The following ZDBF2 variants were observed in gnomAD, a reference collection of about 807,000 sequenced individuals.
ZDBF2 encodes the protein zinc finger DBF-type containing 2.
Under a neutral mutation model 9.4 loss-of-function variants are expected in ZDBF2, and 6 were observed. The ratio of observed to expected loss-of-function variants is 0.64; its 90% CI spans 0.35 to 1.27. The LOEUF is 1.27. Among genes scored for constraint, ZDBF2 ranks in the 50% most tolerant of loss-of-function variants. The pLI, the probability that ZDBF2 is intolerant of heterozygous loss-of-function variation, is 0.03. For synonymous variants in ZDBF2, 905 were observed against 946.3 expected (o/e 0.96, Z 0.80); for missense variants, 2,697 against 2,766.8 (o/e 0.97, Z 0.57).
intron 3 of ZDBF2, among the ~76,000 whole-genome samples, chr2:206,285,013 G>A (rs1294137031): frequency 6.6e-6 from 1 of 152,232 alleles, no homozygotes; most frequent in Non-Finnish European, 1.5e-5. Flanking sequence ...ACAGGCGTGA[G>A]CCACTGCGCC....
rs559177241 is a variant in ZDBF2 at position 206,309,563 on chromosome 2, C to A, written c.5035C>A (p.Arg1679=). 3.1e-6 allele frequency: 5 copies of A among 1,613,810 alleles called. No individual in the cohort carries two copies. Among genetic ancestry groups the A allele is most frequent in the Admixed American group, 1.7e-5 (1 of 59,992 alleles). Residue 1679 remains arginine, a synonymous_variant, in exon 5 of 5, where the codon CGA becomes AGA. Coordinates refer to ENST00000374423, the MANE Select transcript of ZDBF2 (RefSeq NM_020923.3). ...AGACACTTCTCATCGAACGACTCAC[C>A]GACTGCAGAAAGCTCACAAAGAAGC... is the stretch of plus-strand genomic sequence containing the variant. ...LEDTSHRTTH[R]LQKAHKEASL...
chr2:206,281,817 CAG>C lies in ZDBF2; in HGVS notation c.-32_-31del. The stretch of plus-strand genomic sequence containing the variant: ...GTTTTTCAGCTTGAGTATTCAAAGA[CAG>C]TAGCCATCTGACTTCAGTTATTTAT... On this transcript the variant is annotated 5_prime_UTR_variant, in exon 3 of 5. Coordinates refer to ENST00000374423, the MANE Select transcript of ZDBF2 (RefSeq NM_020923.3). 1 of 1,603,972 alleles carries C rather than the reference CAG, an allele frequency of 6.2e-7. No individual in the cohort carries two copies. Among genetic ancestry groups the C allele is most frequent in the Non-Finnish European group, 8.5e-7 (1 of 1,173,290 alleles).
chr2:206,275,923 C>A (rs1243429909), intron 1 of ZDBF2, among the ~76,000 whole-genome samples: 2 of 152,180 alleles, frequency 1.3e-5, no homozygotes, highest in African/African-American at 2.4e-5. Context: ...AAGAAAGCAA[C>A]TCGTTAGAGA....
intron 1 of ZDBF2, among the ~76,000 whole-genome samples, chr2:206,277,327 A>G (rs1269117043): frequency 1.3e-5 from 2 of 151,682 alleles, no homozygotes; most frequent in African/African-American, 4.8e-5. Flanking sequence ...AAAAAAAACC[A>G]AAAACAAAAT....
At chr2:206,280,580 A>G (rs1691261257) in intron 2 of ZDBF2, among the ~76,000 whole-genome samples, 1 of 152,222 alleles carries the variant, frequency 6.6e-6, no homozygotes, top group African/African-American at 2.4e-5. Context: ...AGTGGAAAAG[A>G]GACCAAATTT....
chr2:206,308,581 T>C lies in ZDBF2; in HGVS notation c.4053T>C (p.His1351=), dbSNP rs1344554477. 1.2e-6 allele frequency: 2 copies of C among 1,613,540 alleles called. No homozygotes were observed. The change falls in exon 5 of 5, where the codon CAT becomes CAC. Residue 1351 remains histidine, a synonymous_variant. Transcript: ENST00000374423. ...AACCACACATTTTGGAAGAGGAGCA[T>C]GCCAGTCTGGAAGATAAGAGCAGTA... The part of the protein sequence containing the change: ...IKQPHILEEE[H]ASLEDKSSNS...
chr2:206,305,534 A>G lies in ZDBF2; in HGVS notation c.1006A>G (p.Asn336Asp). 4.3e-6 allele frequency: 7 copies of G among 1,613,700 alleles called. No individual in the cohort carries two copies. The South Asian group carries it at 5.5e-5, about 13-fold the overall frequency. ...IAKNHEEFFS[N>D]MDCTQEEKHL... is the part of the protein sequence containing the mutation. Reference sequence around the variant, plus strand: ...AAAGAACCATGAGGAATTCTTTTCTAACATGGATTGTACCCAAGAAGAAAA... The same window carrying G: ...AAAGAACCATGAGGAATTCTTTTCTGACATGGATTGTACCCAAGAAGAAAA... The change falls in exon 5 of 5, where the codon AAC becomes GAC. Residue 336 changes from asparagine to aspartate, a missense_variant. Transcript: ENST00000374423.
intron 4 of ZDBF2, among the ~76,000 whole-genome samples, chr2:206,302,998 A>G (rs962794240): frequency 2.0e-5 from 3 of 152,090 alleles, no homozygotes; most frequent in Admixed American, 6.6e-5. Flanking sequence ...CTCTCACACA[A>G]TTTCTCTATT....
In ZDBF2 at chr2:206,305,064, G is replaced by GC. The variant is rs781132593; in HGVS notation, c.542dup (p.Val182SerfsTer4). The GC allele has an allele frequency of 6.2e-6, 10 of 1,613,590 alleles. No homozygotes were observed. The highest frequency in any genetic ancestry group is 2.7e-5 in the African/African-American group (2 of 74,890). On this transcript the variant is annotated frameshift_variant, in exon 5 of 5. Transcript: ENST00000374423. LOFTEE classifies it low-confidence loss of function (END_TRUNC). ...ACAAATAATAGAAGCAACTTGGTAC[G>GC]CCCCCCAGTGATTTGTAATGCTCCT...
At position 206,308,852 on chromosome 2, in the gene ZDBF2, C is replaced by T; in HGVS notation, c.4324C>T (p.Leu1442=). ...CTTGCAAAAGAAGGATCATAATGAT[C>T]TAGAAAATAAGAACTGTGAAGTCTG... ...INLQKKDHND[L]ENKNCEVCGS... Residue 1442 remains leucine, a synonymous_variant, in exon 5 of 5, where the codon CTA becomes TTA. Coordinates refer to ENST00000374423, the MANE Select transcript of ZDBF2 (RefSeq NM_020923.3). The T allele has an allele frequency of 6.2e-7, 1 of 1,613,292 alleles. No individual in the cohort carries two copies. Among genetic ancestry groups the T allele is most frequent in the Non-Finnish European group, 8.5e-7 (1 of 1,179,716 alleles).
chr2:206,301,082 A>T (rs1209160870), intron 4 of ZDBF2, among the ~76,000 whole-genome samples: 1 of 152,096 alleles, frequency 6.6e-6, no homozygotes. Flanking sequence ...ATACATACTG[A>T]TAATCCCATA....
chr2:206,308,035 G>A lies in ZDBF2; in HGVS notation c.3507G>A (p.Gln1169=), dbSNP rs748749881. 50 of 1,613,826 alleles carry A rather than the reference G, an allele frequency of 3.1e-5. No individual in the cohort carries two copies. In the Admixed American group the frequency reaches 8.2e-4, roughly 26 times the overall value. Residue 1169 remains glutamine (Q), a synonymous_variant, in exon 5 of 5, where the codon CAG becomes CAA. Transcript: ENST00000374423. ...ATTTGGATTCTGGTTTCTTGGGTCA[G>A]TCAATAGTCAATCGACCTCAAATAA... ...EMNLDSGFLG[Q]SIVNRPQITI...
chr2:206,308,708 G>A lies in ZDBF2; in HGVS notation c.4180G>A (p.Asp1394Asn), dbSNP rs1391416628. Residue 1394 changes from aspartate (D) to asparagine (N), a missense_variant, in exon 5 of 5, where the codon GAC (aspartate) becomes AAC (asparagine). Coordinates refer to ENST00000374423, the MANE Select transcript of ZDBF2 (RefSeq NM_020923.3). The stretch of plus-strand genomic sequence containing the variant: ...CAAAGAAATAAATCTTTGGAAGGAA[G>A]ACCATATTTACCTGGAAGATAAGAG... ...PVKEINLWKE[D>N]HIYLEDKSYK... The A allele has an allele frequency of 3.1e-6, 5 of 1,612,808 alleles. No homozygotes were observed. The highest frequency in any genetic ancestry group is 4.2e-6 in the Non-Finnish European group (5 of 1,179,778).
At chr2:206,291,980 G>A (rs1025559310) in intron 3 of ZDBF2, 1 of 397,738 alleles carries the variant, frequency 2.5e-6, no homozygotes. Flanking sequence ...ACTATTTTCA[G>A]GAAATAAAAA....
chr2:206,282,459 G>A (rs1691373651), intron 3 of ZDBF2, among the ~76,000 whole-genome samples: 1 of 152,122 alleles, frequency 6.6e-6, no homozygotes, highest in Non-Finnish European at 1.5e-5. Flanking sequence ...GGGTATATGG[G>A]CTTGTTTGTT....
chr2:206,309,073 ATCAG>A lies in ZDBF2; in HGVS notation c.4549_4552del (p.Val1517LysfsTer22), dbSNP rs1692991083. 1.2e-6 allele frequency: 2 copies of A among 1,613,796 alleles called. No homozygotes were observed. The highest frequency in any genetic ancestry group is 8.5e-7 in the Non-Finnish European group (1 of 1,179,858). On this transcript the variant is annotated frameshift_variant, in exon 5 of 5. Coordinates refer to ENST00000374423, the MANE Select transcript of ZDBF2 (RefSeq NM_020923.3). LOFTEE classifies it low-confidence loss of function (END_TRUNC). ...AAATAGTAGTTAACCAATTTCCAGG[ATCAG>A]TCAAAGAAACCCACCTTCCAAAGGT...
intron 3 of ZDBF2, among the ~76,000 whole-genome samples, chr2:206,289,548 G>A (rs1036006881): frequency 6.6e-6 from 1 of 152,136 alleles, no homozygotes; most frequent in Non-Finnish European, 1.5e-5. Context: ...TGAGGCCACC[G>A]GGCTGGGATG....
Position 206,288,594 on chromosome 2 carries a change from C to T in ZDBF2, c.60+6685C>T, listed in dbSNP as rs1292476961. Among the ~76,000 whole-genome samples, 3 of 152,292 alleles carry T rather than the reference C, an allele frequency of 2.0e-5. No individual in the cohort carries two copies. In the South Asian group the frequency reaches 6.2e-4, roughly 32 times the overall value. On this transcript the variant is annotated intron_variant, in intron 3 of 4. Transcript: ENST00000374423. ...GGTTGTGGGACCAGGGTCCTAGGCT[C>T]ATAGGCTTATGAACCTATTGTTGCA...
intron 3 of ZDBF2, among the ~76,000 whole-genome samples, chr2:206,286,295 T>A (rs1465558920): frequency 1.3e-5 from 2 of 152,198 alleles, no homozygotes; most frequent in Admixed American, 1.3e-4. Context: ...TCTGAGAGTG[T>A]GATAATCAAG....
Sources: gnomAD v4.1 joint callset for allele counts (sites outside exome capture counted in the v4.1 genomes callset) on GRCh38, gnomAD v4.1.1 for gene constraint, MANE v1.5 for transcripts, NCBI Gene and HGNC (gene_info 2026-07-23, HGNC 2026-07-21) for gene names.